The following ADCY5 variants were observed in gnomAD, a reference collection of about 807,000 sequenced individuals.
ADCY5 encodes the protein adenylate cyclase 5.
A neutral mutation model predicts 119.7 loss-of-function variants in ADCY5; 30 were observed. The observed-to-expected ratio is 0.25, with a 90% confidence interval of 0.19 to 0.34. The LOEUF (loss-of-function observed/expected upper bound fraction) is 0.34. ADCY5 is among the 10% of genes least tolerant of loss of function. The probability of loss-of-function intolerance (pLI) is 1.00; values close to 1 mark genes in which losing one functional copy is unlikely to be tolerated. For missense variants in ADCY5, 1,324 were observed against 1,775.2 expected, an observed-to-expected ratio of 0.75 and a Z score of 4.57; for synonymous variants, 753 against 762.2, an observed-to-expected ratio of 0.99 and a Z score of 0.20.
At position 123,328,748 on chromosome 3, in the gene ADCY5, G is replaced by A. The variant is rs372218632; in HGVS notation, c.1701C>T (p.Ser567=). ...VNVNMRVGIH[S]GRVHCGVLGL... is the part of the protein sequence containing the mutation. ...CAAGGACACCGCAGTGTACTCGCCC[G>A]CTGTGAATTCCCACACGCATGTTCA... Residue 567 remains serine, a synonymous_variant, in exon 6 of 21, where the codon AGC becomes AGT. Transcript: ENST00000462833. 39 of 1,614,098 alleles carry A rather than the reference G, an allele frequency of 2.4e-5. No homozygotes were observed. In the East Asian group the frequency reaches 2.4e-4, roughly 10 times the overall value.
At chr3:123,325,203 G>T in intron 8 of ADCY5, 119 bp downstream of exon 8, 2 of 1,342,424 alleles carry the variant, frequency 1.5e-6, no homozygotes, top group Non-Finnish European at 2.0e-6. Flanking sequence ...ACTTGTATTT[G>T]CTTGTGTGGC....
At chr3:123,409,784 A>G (rs1332204152) in intron 1 of ADCY5, among the ~76,000 whole-genome samples, 1 of 152,180 alleles carries the variant, frequency 6.6e-6, no homozygotes, top group Non-Finnish European at 1.5e-5. Flanking sequence ...GCCGGGCAGA[A>G]GGTAGAAACT....
rs1309435887 is a variant in ADCY5 at position 123,284,358 on chromosome 3, TAGC to T, written c.*247_*249del. The T allele has an allele frequency of 3.8e-6, 2 of 521,888 alleles. No homozygotes were observed. Among genetic ancestry groups the T allele is most frequent in the East Asian group, 6.9e-5 (2 of 28,998 alleles). 32.3% of individuals were successfully genotyped at this position (521,888 alleles called of 1,614,324 possible). A position where few individuals can be genotyped will look rare whatever the true frequency, so the allele number is the denominator to read the frequency against. ...GAAAACTCAAGCTTCAGACCCAGTC[TAGC>T]AGAGTCTTCTACAGAGGGAAACATC... On this transcript the variant is annotated 3_prime_UTR_variant, in exon 21 of 21. Coordinates refer to ENST00000462833, the MANE Select transcript of ADCY5 (RefSeq NM_183357.3).
At position 123,320,852 on chromosome 3, in the gene ADCY5, C is replaced by T. The variant is rs79456288; in HGVS notation, c.2089-81G>A. 22 of 1,015,352 alleles carry T rather than the reference C, an allele frequency of 2.2e-5. 1 individual carries two copies. In the South Asian group the frequency reaches 3.0e-4, roughly 14 times the overall value. 62.9% of individuals were successfully genotyped at this position (1,015,352 alleles called of 1,614,324 possible). On this transcript the variant is annotated intron_variant, in intron 8 of 20. Coordinates refer to ENST00000462833, the MANE Select transcript of ADCY5 (RefSeq NM_183357.3). ...AAGCTCAGAGGCGTCTAGATGGCTG[C>T]AGCTCATCTCTACAGTCTCCCAAAG...
intron 1 of ADCY5, among the ~76,000 whole-genome samples, chr3:123,396,799 C>G (rs1461267175): frequency 1.1e-5 from 1 of 92,196 alleles, no homozygotes; most frequent in African/African-American, 3.5e-5. Flanking sequence ...GGCAGGCAGG[C>G]AGGCAGGCAG....
Position 123,284,586 on chromosome 3 carries a change from T to C in ADCY5, c.*22A>G. The C allele has an allele frequency of 1.9e-6, 3 of 1,614,018 alleles. No individual in the cohort carries two copies. Among genetic ancestry groups the C allele is most frequent in the South Asian group, 2.2e-5 (2 of 91,078 alleles). On this transcript the variant is annotated 3_prime_UTR_variant, in exon 21 of 21. Transcript: ENST00000462833. ...CCATGCCTCTGGAGGCCAGGCTGCC[T>C]GGCACCATTGGCCAACAGCTGCTAA...
intron 17 of ADCY5, among the ~76,000 whole-genome samples, chr3:123,294,615 T>G (rs1355219306): frequency 6.6e-6 from 1 of 152,098 alleles, no homozygotes; most frequent in Non-Finnish European, 1.5e-5. Flanking sequence ...TCTTTAAGAT[T>G]GGCAAGGACC....
At chr3:123,339,759 CCCCTACTGTA>C (rs1942189887) in intron 3 of ADCY5, among the ~76,000 whole-genome samples, 1 of 137,578 alleles carries the variant, frequency 7.3e-6, no homozygotes, top group South Asian at 2.7e-4. Context: ...CCAAATCCTA[CCCCTACTGTA>C]CATACAATGG....
intron 1 of ADCY5, among the ~76,000 whole-genome samples, chr3:123,428,421 G>A (rs1438310369): frequency 6.6e-6 from 1 of 152,134 alleles, no homozygotes; most frequent in Non-Finnish European, 1.5e-5. Context: ...CTGCTACCAG[G>A]CTACCTCCTA....
At chr3:123,426,140 AT>A (rs1213056205) in intron 1 of ADCY5, among the ~76,000 whole-genome samples, 4 of 152,256 alleles carry the variant, frequency 2.6e-5, no homozygotes, top group African/African-American at 9.6e-5. Context: ...ATGATATCTC[AT>A]TTCATGGAGG....
At chr3:123,306,991 A>G (rs1940233726) in intron 12 of ADCY5, among the ~76,000 whole-genome samples, 1 of 152,200 alleles carries the variant, frequency 6.6e-6, no homozygotes, top group African/African-American at 2.4e-5. Context: ...ACCAGTCTCA[A>G]AAGGCCATGT....
At chr3:123,346,842 G>C (rs1354704588) in intron 3 of ADCY5, among the ~76,000 whole-genome samples, 1 of 152,150 alleles carries the variant, frequency 6.6e-6, no homozygotes, top group Non-Finnish European at 1.5e-5. Flanking sequence ...TGGGCATATG[G>C]GAGGATTATC....
chr3:123,363,626 T>C (rs1219531917), intron 1 of ADCY5, among the ~76,000 whole-genome samples: 1 of 152,122 alleles, frequency 6.6e-6, no homozygotes, highest in Non-Finnish European at 1.5e-5. Context: ...TATGGTGCTG[T>C]CACCAGGCGC....
chr3:123,440,378 G>A (rs992679649), intron 1 of ADCY5, among the ~76,000 whole-genome samples: 2 of 152,142 alleles, frequency 1.3e-5, no homozygotes, highest in East Asian at 3.9e-4. Context: ...AGGGAGGGGG[G>A]CCTATTACAG....
chr3:123,306,672 AAAC>A (rs1447704003), intron 12 of ADCY5, among the ~76,000 whole-genome samples: 1 of 152,226 alleles, frequency 6.6e-6, no homozygotes, highest in Non-Finnish European at 1.5e-5. Context: ...CCACTGGGGA[AAAC>A]AATAGGGTAG....
chr3:123,359,331 A>AATACATATATATAT (rs1476687771), intron 1 of ADCY5, among the ~76,000 whole-genome samples: 8 of 109,774 alleles, frequency 7.3e-5, no homozygotes, highest in African/African-American at 3.0e-4. Context: ...CTTATACTAA[A>AATACATATATATAT]ATATATATAT....
intron 14 of ADCY5, among the ~76,000 whole-genome samples, chr3:123,301,138 CAGA>C (rs199593960): frequency 0.035 from 5,367 of 152,168 alleles, 326 homozygotes; most frequent in African/African-American, 0.12. Flanking sequence ...TCCCTTGATG[CAGA>C]TGACGTCCCT....
At chr3:123,385,547 G>A (rs1944193847) in intron 1 of ADCY5, among the ~76,000 whole-genome samples, 1 of 152,208 alleles carries the variant, frequency 6.6e-6, no homozygotes, top group East Asian at 1.9e-4. Flanking sequence ...GTGTGTACAG[G>A]GTGGGAGAGG....
chr3:123,344,072 G>C (rs543019370), intron 3 of ADCY5, among the ~76,000 whole-genome samples: 37 of 152,280 alleles, frequency 2.4e-4, no homozygotes, highest in African/African-American at 8.4e-4. Context: ...AGGGCCAGGG[G>C]AGAATGAGGC....
Sources: gnomAD v4.1 joint callset for allele counts (sites outside exome capture counted in the v4.1 genomes callset) on GRCh38, gnomAD v4.1.1 for gene constraint, MANE v1.5 for transcripts, NCBI Gene and HGNC (gene_info 2026-07-23, HGNC 2026-07-21) for gene names.